The following CACUL1 variants were observed in gnomAD, a reference collection of about 807,000 sequenced individuals.
CACUL1 encodes CDK2 associated cullin domain 1, also known as CDK2-associated and cullin domain-containing protein 1.
In CACUL1, 13 loss-of-function variants were observed where a neutral mutation model predicts 45.2. The observed-to-expected ratio is 0.29, with a 90% CI of 0.19 to 0.46. The LOEUF is 0.46. Ranked by LOEUF, CACUL1 falls within the 20% of genes least tolerant of loss-of-function variation. The probability of loss-of-function intolerance (pLI) is 1.00; values close to 1 mark genes in which losing one functional copy is unlikely to be tolerated. For synonymous variants in CACUL1, 197 were observed against 174.2 expected, an observed-to-expected ratio of 1.13 and a Z score of -1.03; for missense variants, 421 against 471.4, an observed-to-expected ratio of 0.89 and a Z score of 0.99.
intron 1 of CACUL1, among the ~76,000 whole-genome samples, chr10:118,750,991 A>G (rs1845892747): frequency 6.6e-6 from 1 of 151,962 alleles, no homozygotes; most frequent in Non-Finnish European, 1.5e-5. Context: ...ATCCAATTAT[A>G]CTCTTTTCCA....
intron 1 of CACUL1, among the ~76,000 whole-genome samples, chr10:118,735,976 AATG>A (rs1202092614): frequency 3.9e-5 from 6 of 152,114 alleles, no homozygotes; most frequent in Non-Finnish European, 8.8e-5. Context: ...CTAAAAGAAA[AATG>A]ATGACTTTTT....
chr10:118,744,021 G>C (rs1042360522), intron 1 of CACUL1, among the ~76,000 whole-genome samples: 2 of 152,078 alleles, frequency 1.3e-5, no homozygotes, highest in Admixed American at 1.3e-4. Context: ...TAACTATCTG[G>C]GTAAATACAA....
chr10:118,745,886 C>A (rs1157088795), intron 1 of CACUL1, among the ~76,000 whole-genome samples: 1 of 151,812 alleles, frequency 6.6e-6, no homozygotes, highest in Non-Finnish European at 1.5e-5. Flanking sequence ...TGCCTGTAAT[C>A]CCAGCACTTT....
chr10:118,716,837 C>T (rs1044318529), intron 3 of CACUL1, among the ~76,000 whole-genome samples: 2 of 152,204 alleles, frequency 1.3e-5, no homozygotes, highest in African/African-American at 4.8e-5. Flanking sequence ...CTCCTGACTT[C>T]ATGATCCACC....
At chr10:118,690,620 G>A (rs147650400) in intron 7 of CACUL1, among the ~76,000 whole-genome samples, 3 of 152,198 alleles carry the variant, frequency 2.0e-5, no homozygotes, top group African/African-American at 4.8e-5. Flanking sequence ...CTCTATGCTA[G>A]GTTAGTCATA....
At position 118,702,168 on chromosome 10, in the gene CACUL1, CA is replaced by C. The variant is rs1487585468; in HGVS notation, c.694-761del. On this transcript the variant is annotated intron_variant, in intron 4 of 8. Coordinates refer to ENST00000369151, the MANE Select transcript of CACUL1 (RefSeq NM_153810.5). The stretch of plus-strand genomic sequence containing the variant: ...GGCCGAGCACCTTGTGACCCCTGCC[CA>C]CCACAGAACAACCCCTTTGACTGTA... 2.6e-5 allele frequency among the ~76,000 whole-genome samples: 4 copies of C among 152,316 alleles called. No individual in the cohort carries two copies. In the East Asian group the frequency reaches 7.7e-4, roughly 29 times the overall value.
chr10:118,743,729 C>T (rs183968762), intron 1 of CACUL1, among the ~76,000 whole-genome samples: 1 of 150,784 alleles, frequency 6.6e-6, no homozygotes, highest in East Asian at 1.9e-4. Context: ...AACTCCGTCC[C>T]CAAAAAAAGG....
intron 7 of CACUL1, among the ~76,000 whole-genome samples, chr10:118,690,550 T>C (rs1333469809): frequency 2.0e-5 from 3 of 152,112 alleles, no homozygotes; most frequent in African/African-American, 7.2e-5. Flanking sequence ...ATGCCCTACT[T>C]AAGAAGAAAC....
chr10:118,724,068 T>A (rs1181362587), intron 3 of CACUL1, among the ~76,000 whole-genome samples: 3 of 152,142 alleles, frequency 2.0e-5, no homozygotes, highest in African/African-American at 7.2e-5. Context: ...CCTGGCCGAA[T>A]CAAGACCATC....
chr10:118,697,236 T>A (rs1051246671), intron 5 of CACUL1, among the ~76,000 whole-genome samples: 1 of 152,226 alleles, frequency 6.6e-6, no homozygotes, highest in Non-Finnish European at 1.5e-5. Flanking sequence ...ATCATCTACC[T>A]TTTTATTTTT....
chr10:118,690,572 A>G (rs1378903689), intron 7 of CACUL1, among the ~76,000 whole-genome samples: 1 of 152,236 alleles, frequency 6.6e-6, no homozygotes, highest in African/African-American at 2.4e-5. Flanking sequence ...ACTAGAATTT[A>G]GGGCAAAAGG....
intron 3 of CACUL1, among the ~76,000 whole-genome samples, chr10:118,724,634 G>T (rs905684222): frequency 6.6e-6 from 1 of 152,160 alleles, no homozygotes; most frequent in Non-Finnish European, 1.5e-5. Context: ...GGGTTTTTAG[G>T]TTGTTCAGCC....
intron 1 of CACUL1, among the ~76,000 whole-genome samples, chr10:118,741,643 C>A (rs1845794184): frequency 6.6e-6 from 1 of 152,170 alleles, no homozygotes; most frequent in African/African-American, 2.4e-5. Context: ...AACCTCTTAT[C>A]TTTTAAAATT....
chr10:118,748,223 T>G (rs1845863655), intron 1 of CACUL1, among the ~76,000 whole-genome samples: 1 of 152,230 alleles, frequency 6.6e-6, no homozygotes, highest in African/African-American at 2.4e-5. Context: ...TTATTGAGTA[T>G]GCCAGGAATG....
At position 118,691,341 on chromosome 10, in the gene CACUL1, C is replaced by T. The variant is rs377310953; in HGVS notation, c.949G>A (p.Val317Met). The T allele has an allele frequency of 6.2e-7, 1 of 1,612,430 alleles. No homozygotes were observed. Among genetic ancestry groups the T allele is most frequent in the Non-Finnish European group, 8.5e-7 (1 of 1,178,510 alleles). ...GCATATTCAGAAAGTTCAGATTCCA[C>T]CGCCGGAGGGAGAATGTTTGGAATA... The part of the protein sequence containing the change: ...KFIPNILPPA[V>M]ESELSEYAAQ... Residue 317 changes from valine to methionine, a missense_variant, in exon 7 of 9, where the codon GTG becomes ATG. Physicochemically the swap from Val to Met is conservative, Grantham distance 21 (BLOSUM62 1). This residue lies in a region of CACUL1 where 208 missense variants were observed against 298.4 expected (regional missense o/e 0.70). Coordinates refer to ENST00000369151, the MANE Select transcript of CACUL1 (RefSeq NM_153810.5).
chr10:118,751,895 G>A (rs1477520356), intron 1 of CACUL1, among the ~76,000 whole-genome samples: 4 of 152,048 alleles, frequency 2.6e-5, no homozygotes, highest in Admixed American at 1.3e-4. Flanking sequence ...AAGGTCTTGC[G>A]TATTCACGGG....
chr10:118,754,268 G>A, intron 1 of CACUL1, 128 bp downstream of exon 1: 1 of 1,358,608 alleles, frequency 7.4e-7, no homozygotes, highest in African/African-American at 1.5e-5. Context: ...GGAGGCGAAG[G>A]CGGACGGGGA....
intron 1 of CACUL1, among the ~76,000 whole-genome samples, chr10:118,732,158 C>CTGAG (rs942890634): frequency 6.6e-6 from 1 of 152,118 alleles, no homozygotes; most frequent in African/African-American, 2.4e-5. Context: ...AGCAGCTGTG[C>CTGAG]TGAGGGTAAA....
intron 3 of CACUL1, among the ~76,000 whole-genome samples, chr10:118,724,308 CTCTA>C (rs571009543): frequency 3.5e-4 from 54 of 152,280 alleles, no homozygotes; most frequent in African/African-American, 1.1e-3. Flanking sequence ...TGTTAGGTTC[CTCTA>C]TCTGAGTTTC....
Sources: gnomAD v4.1 joint callset for allele counts (sites outside exome capture counted in the v4.1 genomes callset) on GRCh38, gnomAD v4.1.1 for gene constraint, gnomAD v4.1.1 regional missense constraint, MANE v1.5 for transcripts, NCBI Gene and HGNC (gene_info 2026-07-23, HGNC 2026-07-21) for gene names.